Variants in TMEM150C observed in about 807,000 individuals in gnomAD.
The protein encoded by TMEM150C is transmembrane protein 150C.
A neutral mutation model predicts 29.9 loss-of-function variants in TMEM150C; 10 were observed. The observed-to-expected ratio is 0.33, with a 90% CI of 0.21 to 0.57. The LOEUF (loss-of-function observed/expected upper bound fraction) is 0.57. Among genes scored for constraint, TMEM150C ranks in the 20% least tolerant of loss-of-function variants. The probability of loss-of-function intolerance (pLI) is 0.88; values close to 1 mark genes in which losing one functional copy is unlikely to be tolerated. For missense variants in TMEM150C, 251 were observed against 303.6 expected (o/e 0.83, Z 1.29); for synonymous variants, 101 against 112.5 (o/e 0.90, Z 0.64).
chr4:82,543,589 G>A (rs1291478606), intron 1 of TMEM150C, among the ~76,000 whole-genome samples: 2 of 152,086 alleles, frequency 1.3e-5, no homozygotes, highest in Non-Finnish European at 2.9e-5. Context: ...TCTACAAAAG[G>A]GCCTGATCTT....
At chr4:82,494,878 G>T in intron 6 of TMEM150C, 1 of 519,054 alleles carries the variant, frequency 1.9e-6, no homozygotes, top group South Asian at 1.7e-5. Flanking sequence ...GAAGCTCGCA[G>T]AGAGGAAAGT....
chr4:82,491,393 A>T, intron 6 of TMEM150C: 3 of 642,546 alleles, frequency 4.7e-6, no homozygotes, highest in Non-Finnish European at 8.3e-6. Flanking sequence ...AATTGCAGAA[A>T]GCACTTACAG....
Position 82,498,592 on chromosome 4 carries a change from A to AT in TMEM150C, c.236-2398dup, listed in dbSNP as rs925997502. On this transcript the variant is annotated intron_variant, in intron 5 of 7. Coordinates refer to ENST00000449862, the MANE Select transcript of TMEM150C (RefSeq NM_001080506.3). Reference sequence around the variant, plus strand: ...GTGAGCCACCGCGCCTGGCTGGCTAATTTTTTTTTAAATGACCACTGAAAA... The same window carrying AT: ...GTGAGCCACCGCGCCTGGCTGGCTAATTTTTTTTTTAAATGACCACTGAAAA... Among the ~76,000 whole-genome samples the AT allele has an allele frequency of 3.0e-4, 45 of 151,672 alleles. 1 individual carries two copies. The South Asian group carries it at 6.0e-3, about 20-fold the overall frequency.
rs1725667350 is a variant in TMEM150C, at chr4:82,554,205, T to C, written c.-11+7701A>G. Among the ~76,000 whole-genome samples the C allele has an allele frequency of 2.6e-5, 4 of 152,190 alleles. No individual in the cohort carries two copies. In the South Asian group the frequency reaches 8.3e-4, roughly 32 times the overall value. On this transcript the variant is annotated intron_variant, in intron 1 of 7. Transcript: ENST00000449862. ...TTCCTGCTACTACATGTAGGTATAT[T>C]TTAGTTATCAGTGTTTCTATATAAA...
chr4:82,529,532 C>T (rs923263859), intron 1 of TMEM150C, among the ~76,000 whole-genome samples: 1 of 152,128 alleles, frequency 6.6e-6, no homozygotes, highest in African/African-American at 2.4e-5. Flanking sequence ...AAGCGATTCT[C>T]CTGCCTTGGC....
intron 1 of TMEM150C, among the ~76,000 whole-genome samples, chr4:82,515,748 A>AG (rs1477268323): frequency 6.6e-6 from 1 of 152,034 alleles, no homozygotes; most frequent in African/African-American, 2.4e-5. Flanking sequence ...AAAAAAAAAA[A>AG]AAAAGAATCT....
chr4:82,491,243 G>GTCCTC (rs1723335976), intron 6 of TMEM150C: 1 of 677,834 alleles, frequency 1.5e-6, no homozygotes, highest in Admixed American at 2.1e-5. Context: ...TAGTGGGGAC[G>GTCCTC]TCCTCTTTGC....
At chr4:82,495,080 A>C in intron 6 of TMEM150C, 1 of 1,154,794 alleles carries the variant, frequency 8.7e-7, no homozygotes, top group East Asian at 2.8e-5. Flanking sequence ...CTTTGGTCCT[A>C]GGTTTCTTAC....
intron 1 of TMEM150C, among the ~76,000 whole-genome samples, chr4:82,552,440 G>A (rs947537184): frequency 6.6e-6 from 1 of 152,054 alleles, no homozygotes; most frequent in African/African-American, 2.4e-5. Context: ...AAACCAGGTG[G>A]GAAAACAGCT....
intron 1 of TMEM150C, among the ~76,000 whole-genome samples, chr4:82,507,357 G>C (rs1723959549): frequency 6.6e-6 from 1 of 152,180 alleles, no homozygotes; most frequent in Admixed American, 6.6e-5. Context: ...AAATTTTCAA[G>C]CAGGGAGGTA....
At chr4:82,515,326 T>C (rs1724256509) in intron 1 of TMEM150C, among the ~76,000 whole-genome samples, 1 of 152,232 alleles carries the variant, frequency 6.6e-6, no homozygotes, top group African/African-American at 2.4e-5. Flanking sequence ...AAGATTTCAC[T>C]GTATTTTATT....
chr4:82,488,439 C>A (rs548042633), intron 7 of TMEM150C, among the ~76,000 whole-genome samples: 1 of 152,302 alleles, frequency 6.6e-6, no homozygotes, highest in Admixed American at 6.5e-5. Context: ...AGAGTTGATA[C>A]ATTTAAAGTA....
chr4:82,544,775 C>CAAAAAAAAAAACAAA (rs149817695), intron 1 of TMEM150C, among the ~76,000 whole-genome samples: 1 of 134,636 alleles, frequency 7.4e-6, no homozygotes, highest in African/African-American at 3.3e-5. Flanking sequence ...TAAGACTATG[C>CAAAAAAAAAAACAAA]AAAAAAAAAC....
chr4:82,562,230 T>G (rs1185856194), upstream of TMEM150C: 25 of 1,284,250 alleles, frequency 1.9e-5, no homozygotes, highest in Non-Finnish European at 2.5e-5. Context: ...CGCGTTTGCC[T>G]GGCGCTCCTC....
intron 1 of TMEM150C, among the ~76,000 whole-genome samples, chr4:82,550,575 C>T (rs955274623): frequency 4.6e-5 from 7 of 151,920 alleles, no homozygotes; most frequent in Non-Finnish European, 1.0e-4. Context: ...CCGAGGTGGG[C>T]GGATCACGAG....
At chr4:82,554,486 T>G (rs1725676326) in intron 1 of TMEM150C, among the ~76,000 whole-genome samples, 1 of 152,198 alleles carries the variant, frequency 6.6e-6, no homozygotes. Flanking sequence ...GTTTAAAAAA[T>G]ATATGTTAAT....
rs34120699 is a variant in TMEM150C at position 82,539,459 on chromosome 4, C to CTT, written c.-11+22445_-11+22446dup. Among the ~76,000 whole-genome samples the CTT allele has an allele frequency of 3.4e-5, 5 of 147,518 alleles. No individual in the cohort carries two copies. In the South Asian group the frequency reaches 6.4e-4, roughly 19 times the overall value. The stretch of plus-strand genomic sequence containing the variant: ...GGATAAAGGATAAAAATCCAAACAA[C>CTT]TTTTTTTTTTTGAGACAGAGTCTCG... On this transcript the variant is annotated intron_variant, in intron 1 of 7. Transcript: ENST00000449862.
intron 1 of TMEM150C, among the ~76,000 whole-genome samples, chr4:82,535,797 T>C (rs1431238493): frequency 6.6e-6 from 1 of 152,132 alleles, no homozygotes; most frequent in Non-Finnish European, 1.5e-5. Context: ...GTAAGTTAAT[T>C]TTTAAAATAG....
chr4:82,515,113 C>T (rs1724249914), intron 1 of TMEM150C, among the ~76,000 whole-genome samples: 1 of 151,968 alleles, frequency 6.6e-6, no homozygotes, highest in Non-Finnish European at 1.5e-5. Context: ...CTTAACAGAA[C>T]GATTCTGAGG....
Sources: gnomAD v4.1 joint callset for allele counts (sites outside exome capture counted in the v4.1 genomes callset) on GRCh38, gnomAD v4.1.1 for gene constraint, MANE v1.5 for transcripts, NCBI Gene and HGNC (gene_info 2026-07-23, HGNC 2026-07-21) for gene names.